The following EYA1 variants were observed in gnomAD, a reference collection of about 807,000 sequenced individuals.
EYA1 encodes the protein protein phosphatase EYA1.
In EYA1, 16 loss-of-function variants were observed where a neutral mutation model predicts 82.0. The ratio of observed to expected loss-of-function variants is 0.20; its 90% confidence interval spans 0.13 to 0.30. The LOEUF is 0.30. EYA1 is among the 10% of genes least tolerant of loss of function. EYA1 has a pLI of 1.00. For synonymous variants in EYA1, 261 were observed against 264.4 expected, an observed-to-expected ratio of 0.99 and a Z score of 0.12; for missense variants, 633 against 730.7, an observed-to-expected ratio of 0.87 and a Z score of 1.54.
intron 2 of EYA1, chr8:71,529,638 C>A (rs1355198325): frequency 6.6e-6 from 1 of 152,218 alleles, no homozygotes; most frequent in African/African-American, 2.4e-5. Flanking sequence ...GCTGCAGCGA[C>A]CTGCTCTATC....
At chr8:71,504,703 A>G (rs1391217349) in intron 2 of EYA1, among the ~76,000 whole-genome samples, 1 of 152,196 alleles carries the variant, frequency 6.6e-6, no homozygotes, top group Non-Finnish European at 1.5e-5. Flanking sequence ...AATCTGGGGC[A>G]GAGTCCTTGC....
At chr8:71,472,811 A>ATATC (rs1809329062) in intron 2 of EYA1, among the ~76,000 whole-genome samples, 1 of 147,852 alleles carries the variant, frequency 6.8e-6, no homozygotes, top group East Asian at 2.0e-4. Context: ...ATATATATAT[A>ATATC]TATCTGTCAG....
intron 2 of EYA1, among the ~76,000 whole-genome samples, chr8:71,521,165 GGAAAT>G: frequency 6.6e-6 from 1 of 151,964 alleles, no homozygotes; most frequent in Middle Eastern, 3.4e-3. Flanking sequence ...AATAATAGAT[GGAAAT>G]GAACAATAGA....
intron 4 of EYA1, among the ~76,000 whole-genome samples, chr8:71,324,852 C>T (rs1013426604): frequency 2.0e-5 from 3 of 151,958 alleles, no homozygotes; most frequent in African/African-American, 7.3e-5. Flanking sequence ...CTGCATACTC[C>T]ATCCATACTC....
intron 2 of EYA1, among the ~76,000 whole-genome samples, chr8:71,482,394 G>A (rs564807477): frequency 6.6e-6 from 1 of 152,312 alleles, no homozygotes; most frequent in African/African-American, 2.4e-5. Flanking sequence ...AGTATCAAGT[G>A]TTGTTGAGGA....
At chr8:71,474,334 C>T (rs1443758391) in intron 2 of EYA1, among the ~76,000 whole-genome samples, 1 of 152,000 alleles carries the variant, frequency 6.6e-6, no homozygotes, top group Non-Finnish European at 1.5e-5. Flanking sequence ...CAGATGAGCA[C>T]ACAACCCTGA....
intron 11 of EYA1, among the ~76,000 whole-genome samples, chr8:71,249,440 CA>C (rs1180775955): frequency 1.3e-5 from 2 of 152,144 alleles, no homozygotes; most frequent in Non-Finnish European, 2.9e-5. Context: ...AGGAGAAGTG[CA>C]GAGCAAATGC....
intron 9 of EYA1, among the ~76,000 whole-genome samples, chr8:71,286,710 G>T (rs904510618): frequency 5.9e-5 from 9 of 151,768 alleles, no homozygotes; most frequent in African/African-American, 1.9e-4. Context: ...AAAATCACCT[G>T]GGATCCACAC....
At chr8:71,330,052 T>C (rs1823642817) in intron 4 of EYA1, among the ~76,000 whole-genome samples, 1 of 152,032 alleles carries the variant, frequency 6.6e-6, no homozygotes, top group African/African-American at 2.4e-5. Flanking sequence ...GGGGAGCATG[T>C]CTACCACATG....
intron 2 of EYA1, among the ~76,000 whole-genome samples, chr8:71,507,656 T>A (rs978056323): frequency 6.6e-6 from 1 of 152,220 alleles, no homozygotes; most frequent in Non-Finnish European, 1.5e-5. Flanking sequence ...AGCCATTCGG[T>A]AGAATACTAC....
At chr8:71,289,343 C>G (rs1480016435) in intron 9 of EYA1, among the ~76,000 whole-genome samples, 3 of 152,168 alleles carry the variant, frequency 2.0e-5, no homozygotes, top group Non-Finnish European at 2.9e-5. Flanking sequence ...GACATAATAA[C>G]CCAAAATATA....
At chr8:71,508,666 G>A (rs1212765041) in intron 2 of EYA1, among the ~76,000 whole-genome samples, 2 of 152,100 alleles carry the variant, frequency 1.3e-5, no homozygotes, top group African/African-American at 4.8e-5. Context: ...ACAGTTTGAA[G>A]GCACCATCCA....
rs146910718 is a variant in EYA1 at position 71,332,781 on chromosome 8, C to T, written c.202+1316G>A. On this transcript the variant is annotated intron_variant, in intron 4 of 17. Coordinates refer to ENST00000340726, the MANE Select transcript of EYA1 (RefSeq NM_000503.6). Reference sequence around the variant, plus strand: ...CTCTGGCCCCTGCCTCCCTCTGCAACATGCCCTTGCTCTCATACTGTACAC... The same window carrying T: ...CTCTGGCCCCTGCCTCCCTCTGCAATATGCCCTTGCTCTCATACTGTACAC... 1.2e-3 allele frequency among the ~76,000 whole-genome samples: 177 copies of T among 152,294 alleles called. 2 individuals are homozygous for T. The highest frequency in any genetic ancestry group is 1.6e-3 in the Non-Finnish European group (112 of 68,020).
At chr8:71,531,036 TGAC>T (rs1814226590) in intron 2 of EYA1, 1 of 152,232 alleles carries the variant, frequency 6.6e-6, no homozygotes, top group Non-Finnish European at 1.5e-5. Context: ...ATGCATGAGC[TGAC>T]AACATCATGA....
chr8:71,298,145 G>A (rs1392398205), intron 9 of EYA1, among the ~76,000 whole-genome samples: 2 of 151,902 alleles, frequency 1.3e-5, no homozygotes, highest in Non-Finnish European at 2.9e-5. Flanking sequence ...TCATGATTTA[G>A]GATAACCTAG....
At chr8:71,434,843 C>A (rs112624075) in intron 2 of EYA1, among the ~76,000 whole-genome samples, 1 of 152,016 alleles carries the variant, frequency 6.6e-6, no homozygotes, top group East Asian at 1.9e-4. Flanking sequence ...TCCCTACTTA[C>A]GGGAGGGAAT....
At chr8:71,308,088 T>A (rs1015664587) in intron 7 of EYA1, among the ~76,000 whole-genome samples, 1 of 152,178 alleles carries the variant, frequency 6.6e-6, no homozygotes, top group Non-Finnish European at 1.5e-5. Flanking sequence ...AAGTAGAGGA[T>A]GGATAAGGTG....
intron 12 of EYA1, among the ~76,000 whole-genome samples, chr8:71,218,728 C>T (rs975878860): frequency 2.6e-5 from 4 of 151,874 alleles, no homozygotes; most frequent in African/African-American, 4.8e-5. Flanking sequence ...CTTGTGTTTT[C>T]GACAACATAC....
chr8:71,471,385 C>A (rs1412717166), intron 2 of EYA1, among the ~76,000 whole-genome samples: 6 of 151,914 alleles, frequency 3.9e-5, no homozygotes, highest in African/African-American at 1.2e-4. Flanking sequence ...TTGATATATA[C>A]ACACATAATT....
Sources: gnomAD v4.1 joint callset for allele counts (sites outside exome capture counted in the v4.1 genomes callset) on GRCh38, gnomAD v4.1.1 for gene constraint, MANE v1.5 for transcripts, NCBI Gene and HGNC (gene_info 2026-07-23, HGNC 2026-07-21) for gene names.